Variants in PREP observed in about 807,000 individuals in gnomAD.
The protein encoded by PREP is dJ355L5.1 (prolyl endopeptidase).
PREP carries 29 observed loss-of-function variants against 87.6 expected under a neutral mutation model. That is an observed-to-expected ratio of 0.33 (90% confidence interval 0.25 to 0.45). PREP has a LOEUF of 0.45. Ranked by LOEUF, PREP falls within the 20% of genes least tolerant of loss-of-function variation. The pLI, the probability that PREP is intolerant of heterozygous loss-of-function variation, is 1.00. For missense variants in PREP, 695 were observed against 886.5 expected, an observed-to-expected ratio of 0.78 and a Z score of 2.74; for synonymous variants, 337 against 328.6, an observed-to-expected ratio of 1.03 and a Z score of -0.28.
chr6:105,289,620 T>A (rs1770253446), intron 10 of PREP, among the ~76,000 whole-genome samples: 1 of 152,092 alleles, frequency 6.6e-6, no homozygotes, highest in Non-Finnish European at 1.5e-5. Flanking sequence ...TAAAGGATTT[T>A]AAAAAAAGCC....
chr6:105,283,631 G>A (rs551485660), intron 12 of PREP, among the ~76,000 whole-genome samples: 2 of 152,224 alleles, frequency 1.3e-5, no homozygotes, highest in East Asian at 3.9e-4. Context: ...TTTAAAAAGA[G>A]CATTAAATTT....
At chr6:105,299,942 G>A (rs1263175459) in intron 10 of PREP, among the ~76,000 whole-genome samples, 1 of 151,590 alleles carries the variant, frequency 6.6e-6, no homozygotes, top group African/African-American at 2.4e-5. Flanking sequence ...TGTTGTCCAG[G>A]CTGGAGTGAA....
At chr6:105,343,667 A>G (rs1307973974) in intron 7 of PREP, among the ~76,000 whole-genome samples, 1 of 136,824 alleles carries the variant, frequency 7.3e-6, no homozygotes, top group Non-Finnish European at 1.5e-5. Flanking sequence ...CAAAGAACTT[A>G]AATTTACAAT....
intron 10 of PREP, among the ~76,000 whole-genome samples, chr6:105,316,849 T>C (rs1486585887): frequency 6.6e-6 from 1 of 152,136 alleles, no homozygotes; most frequent in Non-Finnish European, 1.5e-5. Flanking sequence ...TGTTATCTAA[T>C]AGGTTCTGTA....
chr6:105,327,371 C>A (rs1771193003), intron 9 of PREP, among the ~76,000 whole-genome samples: 1 of 152,152 alleles, frequency 6.6e-6, no homozygotes, highest in Non-Finnish European at 1.5e-5. Flanking sequence ...TGGCTTCTGG[C>A]CCTTGCATGG....
intron 7 of PREP, among the ~76,000 whole-genome samples, chr6:105,341,059 C>G (rs1243497513): frequency 6.6e-6 from 1 of 152,214 alleles, no homozygotes; most frequent in African/African-American, 2.4e-5. Context: ...ATCTACAGAA[C>G]TCTCCACCCC....
At chr6:105,336,292 A>G (rs1418051163) in intron 7 of PREP, among the ~76,000 whole-genome samples, 1 of 152,214 alleles carries the variant, frequency 6.6e-6, no homozygotes, top group African/African-American at 2.4e-5. Context: ...ATATTCCCAT[A>G]TGTTATTGAA....
At chr6:105,326,092 T>G (rs58756656) in intron 9 of PREP, among the ~76,000 whole-genome samples, 4,295 of 152,254 alleles carry the variant, frequency 0.028, 204 homozygotes, top group African/African-American at 0.1. Context: ...AGATTTTGTT[T>G]TAACTGATTT....
At chr6:105,363,766 A>C (rs1772311118) in intron 6 of PREP, among the ~76,000 whole-genome samples, 2 of 152,178 alleles carry the variant, frequency 1.3e-5, no homozygotes, top group Non-Finnish European at 2.9e-5. Context: ...AAGGTCCCTG[A>C]TGAAAAAGGG....
intron 4 of PREP, among the ~76,000 whole-genome samples, chr6:105,375,668 T>G (rs1255766820): frequency 6.6e-6 from 1 of 152,248 alleles, no homozygotes; most frequent in Admixed American, 6.5e-5. Context: ...GACAATTAAC[T>G]AGATTTTTAA....
Position 105,278,028 on chromosome 6 carries a change from G to T in PREP, c.*116C>A. The T allele has an allele frequency of 7.5e-7, 1 of 1,329,632 alleles. No homozygotes were observed. The highest frequency in any genetic ancestry group is 1.0e-6 in the Non-Finnish European group (1 of 963,220). 82.4% of individuals were successfully genotyped at this position (1,329,632 alleles called of 1,614,324 possible). On this transcript the variant is annotated 3_prime_UTR_variant, in exon 15 of 15. Transcript: ENST00000652536. The surrounding 1 kb of genome is among the most constrained non-coding windows in gnomAD (Gnocchi z 4.2). ...CGGCAGTTCTGTTCAACTGTAGCCT[G>T]TGAGTGCAGGAATAATGTTCCCGTG...
chr6:105,318,725 C>T (rs1272502679), intron 10 of PREP, among the ~76,000 whole-genome samples: 1 of 152,134 alleles, frequency 6.6e-6, no homozygotes, highest in East Asian at 1.9e-4. Context: ...AATAGAGTGA[C>T]CCCTCAGAAA....
chr6:105,338,563 T>C (rs1275964543), intron 7 of PREP, among the ~76,000 whole-genome samples: 3 of 152,120 alleles, frequency 2.0e-5, no homozygotes, highest in African/African-American at 7.2e-5. Context: ...TGCAGCCCAT[T>C]GAGCATGAGC....
At chr6:105,302,749 C>A in intron 10 of PREP, 1 of 503,554 alleles carries the variant, frequency 2.0e-6, no homozygotes. Context: ...ACAGCTCCAC[C>A]TTCAGGTCGT....
chr6:105,373,407 A>T lies in PREP; in HGVS notation c.557T>A (p.Phe186Tyr), dbSNP rs369321437. 132 of 1,614,106 alleles carry T rather than the reference A, an allele frequency of 8.2e-5. No individual in the cohort carries two copies. The highest frequency in any genetic ancestry group is 1.0e-4 in the Non-Finnish European group (122 of 1,180,050). ...ATCCTGTTGAGGGTATGAGTTGTAG[A>T]ACATTCCCTTCCCATCATGGGTCCA... Reference protein sequence around the residue: ...MAWTHDGKGMFYNSYPQQDGK... With the variant: ...MAWTHDGKGMYYNSYPQQDGK... The change falls in exon 5 of 15, where the codon TTC becomes TAC. Residue 186 changes from phenylalanine to tyrosine, a missense_variant. Transcript: ENST00000652536.
intron 10 of PREP, among the ~76,000 whole-genome samples, chr6:105,313,783 G>A (rs925709027): frequency 2.0e-5 from 3 of 152,230 alleles, no homozygotes; most frequent in African/African-American, 7.2e-5. Context: ...AAGGTGGCTG[G>A]TGCCAGCGTT....
intron 2 of PREP, 126 bp downstream of exon 2, chr6:105,397,727 G>T (rs1426624399): frequency 1.4e-6 from 1 of 736,000 alleles, no homozygotes; most frequent in African/African-American, 1.7e-5. Flanking sequence ...GTAACAACAG[G>T]TATACTCACC....
Position 105,376,150 on chromosome 6 carries a change from A to G in PREP, c.360T>C (p.Ser120=). ...CTCGGAGTGCCACTGTGCCATCGTC[A>G]GACAGTATGTTGGGGTCCAGGAACA... ...ARVFLDPNIL[S]DDGTVALRGY... Residue 120 remains serine, a synonymous_variant, in exon 4 of 15, where the codon TCT becomes TCC. Coordinates refer to ENST00000652536, the MANE Select transcript of PREP (RefSeq NM_002726.5). The G allele has an allele frequency of 6.2e-7, 1 of 1,613,830 alleles. No individual in the cohort carries two copies. The highest frequency in any genetic ancestry group is 8.5e-7 in the Non-Finnish European group (1 of 1,179,790).
In PREP at chr6:105,276,680, T is replaced by C. The variant is rs1769938518; in HGVS notation, c.*1464A>G. On this transcript the variant is annotated 3_prime_UTR_variant, in exon 15 of 15. Transcript: ENST00000652536. ...AATCTTATACTCAATGACAACTGTATTATGTACCGTACTAAATAGTAACGG... is the reference window on the plus strand; with the variant it reads ...AATCTTATACTCAATGACAACTGTACTATGTACCGTACTAAATAGTAACGG... 6.6e-6 allele frequency among the ~76,000 whole-genome samples: 1 copy of C among 152,226 alleles called. No individual in the cohort carries two copies. The highest frequency in any genetic ancestry group is 2.4e-5 in the African/African-American group (1 of 41,460).
Sources: gnomAD v4.1 joint callset for allele counts (sites outside exome capture counted in the v4.1 genomes callset) on GRCh38, gnomAD v4.1.1 for gene constraint, Gnocchi (gnomAD v3.1) non-coding constraint, MANE v1.5 for transcripts, NCBI Gene and HGNC (gene_info 2026-07-23, HGNC 2026-07-21) for gene names.